MEI4: variants seen among roughly 807,000 people sequenced by gnomAD.
MEI4 encodes meiosis-specific protein MEI4.
Under a neutral mutation model 31.4 loss-of-function variants are expected in MEI4, and 27 were observed. The ratio of observed to expected loss-of-function variants is 0.86; its 90% CI spans 0.63 to 1.19. The LOEUF (loss-of-function observed/expected upper bound fraction) is 1.19, where lower values mean the gene tolerates loss of function less well. MEI4 is among the 50% of genes most tolerant of loss of function. The pLI, the probability that MEI4 is intolerant of heterozygous loss-of-function variation, is 0.00. For missense variants in MEI4, 329 were observed against 398.9 expected, an observed-to-expected ratio of 0.82 and a Z score of 1.49; for synonymous variants, 122 against 145.4, an observed-to-expected ratio of 0.84 and a Z score of 1.16.
At chr6:77,740,560 T>C (rs1204278949) in intron 2 of MEI4, among the ~76,000 whole-genome samples, 1 of 152,140 alleles carries the variant, frequency 6.6e-6, no homozygotes, top group Non-Finnish European at 1.5e-5. Flanking sequence ...AATTATGAAA[T>C]ATTTTAAAAT....
chr6:77,859,565 G>C (rs944878330), intron 4 of MEI4, among the ~76,000 whole-genome samples: 11 of 152,218 alleles, frequency 7.2e-5, no homozygotes, highest in Non-Finnish European at 1.2e-4. Context: ...CATTCTGAGT[G>C]TCATGAGATG....
At chr6:77,770,977 A>G (rs1392144799) in intron 3 of MEI4, among the ~76,000 whole-genome samples, 1 of 152,210 alleles carries the variant, frequency 6.6e-6, no homozygotes, top group Non-Finnish European at 1.5e-5. Context: ...ACAGCAAAAT[A>G]AACTATCAAC....
At chr6:77,841,067 A>G (rs1253687201) in intron 4 of MEI4, among the ~76,000 whole-genome samples, 1 of 152,094 alleles carries the variant, frequency 6.6e-6, no homozygotes, top group African/African-American at 2.4e-5. Context: ...GATTTCAGGA[A>G]TAAAGGCAGA....
Position 77,924,740 on chromosome 6 carries a change from C to T in MEI4, c.*1394C>T, listed in dbSNP as rs987853962. On this transcript the variant is annotated 3_prime_UTR_variant, in exon 5 of 5. Transcript: ENST00000684080. Reference sequence around the variant, plus strand: ...AGTGGCAATTGAGCAAGACGAAAGGCTAGGCTGAGAAATGTCACATTAGCA... The same window carrying T: ...AGTGGCAATTGAGCAAGACGAAAGGTTAGGCTGAGAAATGTCACATTAGCA... 6.6e-6 allele frequency: 1 copy of T among 151,796 alleles called. No homozygotes were observed. Among genetic ancestry groups the T allele is most frequent in the Non-Finnish European group, 1.5e-5 (1 of 67,898 alleles). 9.4% of individuals were successfully genotyped at this position (151,796 alleles called of 1,614,324 possible). A position where few individuals can be genotyped will look rare whatever the true frequency, so the allele number is the denominator to read the frequency against.
intron 4 of MEI4, among the ~76,000 whole-genome samples, chr6:77,864,243 A>AT (rs1406300079): frequency 6.6e-6 from 1 of 152,196 alleles, no homozygotes; most frequent in Non-Finnish European, 1.5e-5. Context: ...TTAACCTTAA[A>AT]TGTAAATGGG....
chr6:77,839,802 A>G (rs547398711), intron 4 of MEI4, among the ~76,000 whole-genome samples: 3 of 152,348 alleles, frequency 2.0e-5, no homozygotes, highest in African/African-American at 7.2e-5. Context: ...TCAATATTCT[A>G]TAAAAACAAA....
intron 4 of MEI4, among the ~76,000 whole-genome samples, chr6:77,851,229 AT>A (rs1164706456): frequency 6.6e-6 from 1 of 152,158 alleles, no homozygotes; most frequent in Non-Finnish European, 1.5e-5. Flanking sequence ...GACTGTGGTG[AT>A]TCCTCAGGGA....
rs142361447 is a variant in MEI4, at chr6:77,863,574, G to A, written c.900+34512G>A. On this transcript the variant is annotated intron_variant, in intron 4 of 4. Transcript: ENST00000684080. ...ATGAACAAAGCCTCCAAGAAATATG[G>A]GACTATGTGAAAAGACCAAATCTAC... Among the ~76,000 whole-genome samples, 1,444 of 152,256 alleles carry A rather than the reference G, an allele frequency of 9.5e-3. 18 individuals carry two copies. The highest frequency in any genetic ancestry group is 0.032 in the African/African-American group (1,340 of 41,560).
intron 2 of MEI4, among the ~76,000 whole-genome samples, chr6:77,711,784 A>T (rs1036008306): frequency 2.0e-5 from 3 of 152,188 alleles, no homozygotes; most frequent in Non-Finnish European, 4.4e-5. Context: ...TCTCAGAACT[A>T]GTATTATAAG....
chr6:77,904,377 G>A (rs571498052), intron 4 of MEI4, among the ~76,000 whole-genome samples: 3 of 152,110 alleles, frequency 2.0e-5, no homozygotes, highest in Admixed American at 6.6e-5. Flanking sequence ...TGGGTGTCAC[G>A]GGGATTTGGT....
chr6:77,917,737 A>C (rs1162302252), intron 4 of MEI4, among the ~76,000 whole-genome samples: 1 of 149,332 alleles, frequency 6.7e-6, no homozygotes, highest in African/African-American at 2.5e-5. Context: ...CTCTGATGGT[A>C]GTTTCTTTTG....
At chr6:77,787,341 A>G (rs1768766835) in intron 3 of MEI4, among the ~76,000 whole-genome samples, 1 of 152,128 alleles carries the variant, frequency 6.6e-6, no homozygotes, top group Non-Finnish European at 1.5e-5. Flanking sequence ...GTTTATTTCC[A>G]GCCCTAATGA....
intron 4 of MEI4, among the ~76,000 whole-genome samples, chr6:77,871,811 T>A (rs1197703795): frequency 6.6e-6 from 1 of 152,160 alleles, no homozygotes; most frequent in Non-Finnish European, 1.5e-5. Flanking sequence ...GGGAGTCACA[T>A]TTCTTCCTCA....
At chr6:77,908,826 A>G (rs1220667823) in intron 4 of MEI4, among the ~76,000 whole-genome samples, 3 of 152,126 alleles carry the variant, frequency 2.0e-5, no homozygotes, top group African/African-American at 4.8e-5. Flanking sequence ...TGTACCCAAT[A>G]CAGGAGCACC....
intron 2 of MEI4, among the ~76,000 whole-genome samples, chr6:77,743,741 C>T (rs1029178416): frequency 4.6e-5 from 7 of 152,170 alleles, no homozygotes; most frequent in Non-Finnish European, 7.3e-5. Flanking sequence ...ACTGACACCT[C>T]ACATGGCCAG....
chr6:77,818,777 T>C (rs1769747105), intron 3 of MEI4, among the ~76,000 whole-genome samples: 2 of 152,186 alleles, frequency 1.3e-5, no homozygotes, highest in Non-Finnish European at 2.9e-5. Context: ...CCTAGGCTGA[T>C]GTGCAGTGGC....
At chr6:77,873,939 G>A (rs1481839300) in intron 4 of MEI4, among the ~76,000 whole-genome samples, 1 of 152,094 alleles carries the variant, frequency 6.6e-6, no homozygotes, top group African/African-American at 2.4e-5. Flanking sequence ...ATTTCTGAGG[G>A]CTCTGTTCTG....
Position 77,887,141 on chromosome 6 carries a change from C to T in MEI4, c.901-35948C>T, listed in dbSNP as rs142468353. ...TGCCTTTGCAGAATCTTATTAGTATCTCATAGTATGTTGTGTTTCCATTTT... is the reference window on the plus strand; with the variant it reads ...TGCCTTTGCAGAATCTTATTAGTATTTCATAGTATGTTGTGTTTCCATTTT... On this transcript the variant is annotated intron_variant, in intron 4 of 4. Coordinates refer to ENST00000684080, the MANE Select transcript of MEI4 (RefSeq NM_001322247.2). 5.4e-3 allele frequency among the ~76,000 whole-genome samples: 817 copies of T among 151,002 alleles called. 4 individuals are homozygous for T. Among genetic ancestry groups the T allele is most frequent in the Non-Finnish European group, 9.0e-3 (613 of 67,798 alleles).
chr6:77,847,102 TG>T lies in MEI4; in HGVS notation c.900+18041del, dbSNP rs901876571. ...GGAGTTGAAAGGAGTGAGGGAATAT[TG>T]TTTTTTTTTGGTGAGTTAATGAAAA... On this transcript the variant is annotated intron_variant, in intron 4 of 4. Transcript: ENST00000684080. The surrounding 1 kb of genome is among the most constrained non-coding windows in gnomAD (Gnocchi z 4.6). Among the ~76,000 whole-genome samples, 49 of 146,790 alleles carry T rather than the reference TG, an allele frequency of 3.3e-4. No homozygotes were observed. The highest frequency in any genetic ancestry group is 1.2e-3 in the African/African-American group (48 of 39,896).
Sources: gnomAD v4.1 joint callset for allele counts (sites outside exome capture counted in the v4.1 genomes callset) on GRCh38, gnomAD v4.1.1 for gene constraint, Gnocchi (gnomAD v3.1) non-coding constraint, MANE v1.5 for transcripts, NCBI Gene and HGNC (gene_info 2026-07-23, HGNC 2026-07-21) for gene names.